RAB27A: variants seen among roughly 807,000 people sequenced by gnomAD.
RAB27A encodes RAB27A, member RAS oncogene family.
In RAB27A, 17 loss-of-function variants were observed where a neutral mutation model predicts 20.8. The observed-to-expected ratio is 0.82, with a 90% CI of 0.56 to 1.23. RAB27A has a LOEUF of 1.23. Among genes scored for constraint, RAB27A ranks in the 50% most tolerant of loss-of-function variants. The probability of loss-of-function intolerance (pLI) is 0.00; values close to 1 mark genes in which losing one functional copy is unlikely to be tolerated. For missense variants in RAB27A, 277 were observed against 266.7 expected (o/e 1.04, Z -0.27); for synonymous variants, 85 against 92.8 (o/e 0.92, Z 0.48).
At chr15:55,251,349 G>T (rs1343747786) in intron 2 of RAB27A, among the ~76,000 whole-genome samples, 2 of 152,176 alleles carry the variant, frequency 1.3e-5, no homozygotes, top group Non-Finnish European at 2.9e-5. Flanking sequence ...CCTGGGGAAA[G>T]GGTCCTGGAA....
At chr15:55,249,950 T>C (rs1246379271) in intron 2 of RAB27A, among the ~76,000 whole-genome samples, 1 of 152,042 alleles carries the variant, frequency 6.6e-6, no homozygotes, top group African/African-American at 2.4e-5. Flanking sequence ...TATTAAGATT[T>C]TTTTTTCTAT....
chr15:55,311,354 C>G (rs753710328), intron 2 of RAB27A, among the ~76,000 whole-genome samples: 49 of 152,186 alleles, frequency 3.2e-4, no homozygotes, highest in Non-Finnish European at 8.8e-5. Context: ...TACACGCACT[C>G]TGGCTGGGCC....
At chr15:55,312,112 G>T (rs761907519) in intron 2 of RAB27A, among the ~76,000 whole-genome samples, 5 of 152,232 alleles carry the variant, frequency 3.3e-5, no homozygotes, top group Non-Finnish European at 7.3e-5. Flanking sequence ...GCTCTTAGCC[G>T]TGCAGGAACA....
chr15:55,278,792 A>G (rs1022438954), intron 1 of RAB27A, among the ~76,000 whole-genome samples: 4 of 152,288 alleles, frequency 2.6e-5, no homozygotes, highest in South Asian at 2.1e-4. Context: ...CAGTCTTCTA[A>G]TTATTTAGTG....
intron 2 of RAB27A, among the ~76,000 whole-genome samples, chr15:55,311,510 T>C (rs1158349011): frequency 6.6e-6 from 1 of 152,028 alleles, no homozygotes; most frequent in Non-Finnish European, 1.5e-5. Flanking sequence ...GAGGGGACGC[T>C]GGGGTAGGGA....
chr15:55,271,964 T>A (rs886726841), intron 1 of RAB27A, among the ~76,000 whole-genome samples: 1 of 152,224 alleles, frequency 6.6e-6, no homozygotes, highest in Non-Finnish European at 1.5e-5. Flanking sequence ...GAAAATCTCA[T>A]GAAAATGCAC....
At position 55,234,904 on chromosome 15, in the gene RAB27A, T is replaced by TG. The variant is rs1397015067; in HGVS notation, c.30dup (p.Lys11GlnfsTer23). 1 of 1,612,928 alleles carries TG rather than the reference T, an allele frequency of 6.2e-7. No individual in the cohort carries two copies. The highest frequency in any genetic ancestry group is 8.5e-7 in the Non-Finnish European group (1 of 1,179,392). ...CCAGAGTCTCCCAAAGCTAAAAACTTGATGAGGTAATCATAATCTCCATCA... is the reference window on the plus strand; with the variant it reads ...CCAGAGTCTCCCAAAGCTAAAAACTTGGATGAGGTAATCATAATCTCCATCA... On this transcript the variant is annotated frameshift_variant, in exon 3 of 7. Coordinates refer to ENST00000336787, the MANE Select transcript of RAB27A (RefSeq NM_183235.3). LOFTEE classifies it high-confidence loss of function.
upstream of RAB27A, among the ~76,000 whole-genome samples, chr15:55,292,539 G>C (rs758977734): frequency 6.6e-6 from 1 of 152,226 alleles, no homozygotes; most frequent in Non-Finnish European, 1.5e-5. Flanking sequence ...TGAATCAAGA[G>C]GACTGGGATG....
intron 2 of RAB27A, among the ~76,000 whole-genome samples, chr15:55,266,660 T>C (rs1897498150): frequency 6.6e-6 from 1 of 152,198 alleles, no homozygotes. Context: ...CACTAACTCA[T>C]TTAGTCTTCA....
intron 6 of RAB27A, among the ~76,000 whole-genome samples, chr15:55,207,533 G>A (rs201046440): frequency 6.6e-6 from 1 of 152,140 alleles, no homozygotes; most frequent in East Asian, 1.9e-4. Flanking sequence ...CCCTGTGCTG[G>A]AGCAGCACTA....
intron 2 of RAB27A, among the ~76,000 whole-genome samples, chr15:55,306,918 G>A (rs995763709): frequency 6.6e-6 from 1 of 152,136 alleles, no homozygotes; most frequent in African/African-American, 2.4e-5. Context: ...CCTCACGGTT[G>A]TTGCTTGAAG....
At chr15:55,298,838 T>C (rs1452538873) in intron 2 of RAB27A, among the ~76,000 whole-genome samples, 1 of 152,242 alleles carries the variant, frequency 6.6e-6, no homozygotes, top group Non-Finnish European at 1.5e-5. Context: ...AATTCAGCAA[T>C]ATTTCTCCCA....
In RAB27A at chr15:55,270,303, G is replaced by T. The variant is rs1897665625; in HGVS notation, c.-142-19C>A. ...TTTTTGTCTAATGTTAAGACAAAGA[G>T]AAATGTTAAAGTCAGAATGGCCTAC... is the stretch of plus-strand genomic sequence containing the variant. On this transcript the variant is annotated intron_variant, in intron 1 of 6. Transcript: ENST00000336787. The T allele has an allele frequency of 6.6e-6, 1 of 152,152 alleles. No individual in the cohort carries two copies. Among genetic ancestry groups the T allele is most frequent in the Non-Finnish European group, 1.5e-5 (1 of 68,012 alleles). The allele number at this position is 152,152 out of a possible 1,614,324, so 9.4% of individuals were successfully genotyped here.
chr15:55,262,305 G>GCCAA (rs921458891), intron 2 of RAB27A, among the ~76,000 whole-genome samples: 1 of 151,976 alleles, frequency 6.6e-6, no homozygotes, highest in Non-Finnish European at 1.5e-5. Context: ...AATTTGGGAG[G>GCCAA]CCAAGGTGGG....
chr15:55,246,637 A>G (rs1896697834), intron 2 of RAB27A, among the ~76,000 whole-genome samples: 1 of 152,048 alleles, frequency 6.6e-6, no homozygotes, highest in Non-Finnish European at 1.5e-5. Context: ...CACATAGAAT[A>G]TATGTCATTG....
At position 55,228,639 on chromosome 15, in the gene RAB27A, G is replaced by C. The variant is rs200107421; in HGVS notation, c.313C>G (p.Gln105Glu). 1 of 1,611,842 alleles carries C rather than the reference G, an allele frequency of 6.2e-7. No homozygotes were observed. Among genetic ancestry groups the C allele is most frequent in the Non-Finnish European group, 8.5e-7 (1 of 1,177,936 alleles). The change falls in exon 5 of 7, where the codon CAA becomes GAA. Residue 105 changes from glutamine (Q) to glutamate (E), a missense_variant. Coordinates refer to ENST00000336787, the MANE Select transcript of RAB27A (RefSeq NM_183235.3). ...CAGTTTCTGACATTGAGGAAACTTT[G>C]CTCATTTGTCAGATCAAAAAGTAGA... Reference protein sequence around the residue: ...FLLLFDLTNEQSFLNVRNWIS... With the variant: ...FLLLFDLTNEESFLNVRNWIS...
At chr15:55,318,921 A>C (rs2055094791) in intron 1 of RAB27A, 1 of 263,482 alleles carries the variant, frequency 3.8e-6, no homozygotes, top group South Asian at 6.6e-5. Flanking sequence ...TTTAATAACC[A>C]CTCAGGTACC....
chr15:55,205,553 G>A lies in RAB27A; in HGVS notation c.620C>T (p.Thr207Met), dbSNP rs151048993. The A allele has an allele frequency of 3.0e-5, 49 of 1,613,982 alleles. No individual in the cohort carries two copies. Among genetic ancestry groups the A allele is most frequent in the Admixed American group, 1.8e-4 (11 of 59,994 alleles). ...CTCCTTTTCTTCACTTAACTGATCCGTAGAGGCATGACCATTTGATCGCAC... is the reference window on the plus strand; with the variant it reads ...CTCCTTTTCTTCACTTAACTGATCCATAGAGGCATGACCATTTGATCGCAC... ...GVVRSNGHAS[T>M]DQLSEEKEKG... Residue 207 changes from threonine (T) to methionine (M), a missense_variant, in exon 7 of 7, where the codon ACG (threonine) becomes ATG (methionine). Coordinates refer to ENST00000336787, the MANE Select transcript of RAB27A (RefSeq NM_183235.3).
At chr15:55,268,276 A>C (rs1181070808) in intron 2 of RAB27A, among the ~76,000 whole-genome samples, 3 of 152,134 alleles carry the variant, frequency 2.0e-5, no homozygotes, top group African/African-American at 7.2e-5. Context: ...GAAAAGCATG[A>C]GTTTGTGGCA....
Sources: gnomAD v4.1 joint callset for allele counts (sites outside exome capture counted in the v4.1 genomes callset) on GRCh38, gnomAD v4.1.1 for gene constraint, MANE v1.5 for transcripts, NCBI Gene and HGNC (gene_info 2026-07-23, HGNC 2026-07-21) for gene names.